Variants in PLD1 observed in about 807,000 individuals in gnomAD.
PLD1 encodes phospholipase D1.
Under a neutral mutation model 137.1 loss-of-function variants are expected in PLD1, and 112 were observed. The observed-to-expected ratio is 0.82, with a 90% confidence interval of 0.70 to 0.96. PLD1 has a LOEUF of 0.96. PLD1 is among the 40% of genes least tolerant of loss of function. The probability of loss-of-function intolerance (pLI) is 0.00; values close to 1 mark genes in which losing one functional copy is unlikely to be tolerated. For synonymous variants in PLD1, 431 were observed against 454.7 expected (o/e 0.95, Z 0.66); for missense variants, 1,321 against 1,342.0 (o/e 0.98, Z 0.24).
chr3:171,747,665 A>C (rs930206747), intron 1 of PLD1, among the ~76,000 whole-genome samples: 3 of 152,120 alleles, frequency 2.0e-5, no homozygotes, highest in Non-Finnish European at 2.9e-5. Context: ...TTTAACAGTA[A>C]TTTTTAAAAA....
chr3:171,651,139 A>C (rs1263606910), intron 21 of PLD1, among the ~76,000 whole-genome samples: 1 of 152,182 alleles, frequency 6.6e-6, no homozygotes, highest in Admixed American at 6.5e-5. Context: ...GGGTCTGGCA[A>C]GAAGGCCCCG....
chr3:171,737,789 A>G lies in PLD1; in HGVS notation c.160+103T>C, dbSNP rs571348038. On this transcript the variant is annotated intron_variant, in intron 2 of 26. Coordinates refer to ENST00000351298, the MANE Select transcript of PLD1 (RefSeq NM_002662.5). ...TAAAATGATCTGAGCCCGGTGTTAC[A>G]TCTGCAAGGAAAATCAATCATTTGC... 1.7e-5 allele frequency: 24 copies of G among 1,391,432 alleles called. 1 individual carries two copies. In the South Asian group the frequency reaches 3.0e-4, roughly 18 times the overall value. 86.2% of individuals were successfully genotyped at this position (1,391,432 alleles called of 1,614,324 possible). A position where few individuals can be genotyped will look rare whatever the true frequency, so the allele number is the denominator to read the frequency against.
intron 16 of PLD1, among the ~76,000 whole-genome samples, chr3:171,686,430 T>C (rs13091852): frequency 6.6e-6 from 1 of 152,224 alleles, no homozygotes; most frequent in Non-Finnish European, 1.5e-5. Flanking sequence ...AGAACTTCCA[T>C]GACACTATTG....
intron 21 of PLD1, among the ~76,000 whole-genome samples, chr3:171,655,645 G>A (rs1737128335): frequency 6.6e-6 from 1 of 152,036 alleles, no homozygotes; most frequent in African/African-American, 2.4e-5. Context: ...CCCAAGATAA[G>A]CTTTTTAATT....
Position 171,662,168 on chromosome 3 carries a change from C to G in PLD1, c.2232G>C (p.Leu744Phe), listed in dbSNP as rs966829250. The G allele has an allele frequency of 6.3e-7, 1 of 1,589,992 alleles. No individual in the cohort carries two copies. The highest frequency in any genetic ancestry group is 2.2e-5 in the East Asian group (1 of 44,778). ...VPGSVHANVQLLRSAADWSAG... is the reference protein window; with the variant it reads ...VPGSVHANVQFLRSAADWSAG... Reference sequence around the variant, plus strand: ...CAGACCAATCAGCAGCAGAGCGGAGCAACTACAAGGCAGCAATCAGAAATG... The same window carrying G: ...CAGACCAATCAGCAGCAGAGCGGAGGAACTACAAGGCAGCAATCAGAAATG... The change falls in exon 20 of 27, where the codon TTG becomes TTC. Residue 744 changes from leucine (L) to phenylalanine (F), a missense_variant and splice_region_variant. Leu to Phe is a conservative substitution (Grantham distance 22). Coordinates refer to ENST00000351298, the MANE Select transcript of PLD1 (RefSeq NM_002662.5).
intron 1 of PLD1, among the ~76,000 whole-genome samples, chr3:171,768,878 A>G (rs1030203794): frequency 3.3e-5 from 5 of 152,234 alleles, no homozygotes; most frequent in African/African-American, 1.2e-4. Flanking sequence ...ACTCAACTTA[A>G]AATTAGATGG....
intron 16 of PLD1, among the ~76,000 whole-genome samples, chr3:171,685,188 A>G (rs1314948991): frequency 6.6e-6 from 1 of 152,118 alleles, no homozygotes; most frequent in Non-Finnish European, 1.5e-5. Flanking sequence ...GGCCCAAGAC[A>G]ATTCTTCTTC....
At chr3:171,789,940 G>T (rs9815321) in intron 1 of PLD1, 45,987 of 152,146 alleles carry the variant, frequency 0.3, 7,270 homozygotes, top group Admixed American at 0.36. Flanking sequence ...TCCACGTAGG[G>T]TCAAAGGATA....
At chr3:171,766,873 T>A (rs201588971) in intron 1 of PLD1, among the ~76,000 whole-genome samples, 48,940 of 151,604 alleles carry the variant, frequency 0.32, 8,297 homozygotes, top group African/African-American at 0.39. Context: ...TTCTATATTG[T>A]TAAAGGTTCT....
At chr3:171,800,399 C>T (rs139205808) in intron 1 of PLD1, among the ~76,000 whole-genome samples, 200 of 152,012 alleles carry the variant, frequency 1.3e-3, no homozygotes, top group African/African-American at 4.6e-3. Context: ...AGTAGAGATG[C>T]GGTTTCACCA....
At chr3:171,632,204 G>T (rs1490173198) in intron 23 of PLD1, among the ~76,000 whole-genome samples, 2 of 152,032 alleles carry the variant, frequency 1.3e-5, no homozygotes, top group Non-Finnish European at 2.9e-5. Context: ...CAAATTGAGG[G>T]ACAGTCTATA....
At chr3:171,660,571 CA>C (rs1383905186) in intron 20 of PLD1, among the ~76,000 whole-genome samples, 1 of 152,048 alleles carries the variant, frequency 6.6e-6, no homozygotes, top group African/African-American at 2.4e-5. Context: ...ATACTACTGT[CA>C]CATTAAAAAG....
At chr3:171,603,853 A>G (rs531793171) in intron 26 of PLD1, among the ~76,000 whole-genome samples, 48 of 152,294 alleles carry the variant, frequency 3.2e-4, no homozygotes, top group African/African-American at 1.1e-3. Context: ...AATTAATTAT[A>G]TAATGTCATT....
chr3:171,806,206 T>C (rs569264776), intron 1 of PLD1, among the ~76,000 whole-genome samples: 46 of 152,362 alleles, frequency 3.0e-4, no homozygotes, highest in African/African-American at 1.1e-3. Flanking sequence ...CGTTGTAATG[T>C]TTGCTCAATA....
intron 17 of PLD1, 95 bp downstream of exon 17, chr3:171,677,471 A>G (rs1265470582): frequency 9.4e-6 from 12 of 1,272,644 alleles, no homozygotes; most frequent in Admixed American, 7.5e-5. Context: ...CGGAAGCAAA[A>G]CAAAAGGCAT....
At chr3:171,707,913 C>T (rs1028350036) in intron 11 of PLD1, among the ~76,000 whole-genome samples, 4 of 152,104 alleles carry the variant, frequency 2.6e-5, no homozygotes, top group African/African-American at 9.7e-5. Context: ...ATTGATATTG[C>T]CCACAAAACC....
At chr3:171,792,524 C>A (rs1355085452) in intron 1 of PLD1, 1 of 453,850 alleles carries the variant, frequency 2.2e-6, no homozygotes, top group Admixed American at 2.4e-5. Context: ...ACACGAAGGT[C>A]TCGCTGAGCA....
intron 11 of PLD1, among the ~76,000 whole-genome samples, chr3:171,702,913 G>C (rs1716367266): frequency 1.3e-5 from 2 of 152,006 alleles, no homozygotes; most frequent in African/African-American, 4.8e-5. Context: ...ACCAAATAAA[G>C]ACAATGCAAG....
intron 1 of PLD1, among the ~76,000 whole-genome samples, chr3:171,801,942 C>T (rs1437459497): frequency 1.3e-5 from 2 of 152,198 alleles, no homozygotes; most frequent in African/African-American, 2.4e-5. Context: ...TTTGCAAGCT[C>T]TCTGAAAACG....
Sources: gnomAD v4.1 joint callset for allele counts (sites outside exome capture counted in the v4.1 genomes callset) on GRCh38, gnomAD v4.1.1 for gene constraint, MANE v1.5 for transcripts, NCBI Gene and HGNC (gene_info 2026-07-23, HGNC 2026-07-21) for gene names.